PLCL1: variants seen among roughly 807,000 people sequenced by gnomAD.
PLCL1 encodes inactive phospholipase C-like protein 1.
Under a neutral mutation model 84.4 loss-of-function variants are expected in PLCL1, and 41 were observed. The ratio of observed to expected loss-of-function variants is 0.49; its 90% CI spans 0.38 to 0.63. PLCL1 has a LOEUF of 0.63. PLCL1 is among the 30% of genes least tolerant of loss of function. PLCL1 has a pLI of 0.00. For missense variants in PLCL1, 1,206 were observed against 1,367.8 expected, an observed-to-expected ratio of 0.88 and a Z score of 1.87; for synonymous variants, 490 against 488.3, an observed-to-expected ratio of 1.00 and a Z score of -0.05.
intron 1 of PLCL1, among the ~76,000 whole-genome samples, chr2:197,878,528 A>G (rs1381831693): frequency 2.6e-5 from 4 of 152,178 alleles, no homozygotes. Flanking sequence ...TGCATTTTAA[A>G]TGGATTTCCA....
intron 1 of PLCL1, among the ~76,000 whole-genome samples, chr2:197,887,359 A>G (rs1687941576): frequency 6.6e-6 from 1 of 152,222 alleles, no homozygotes; most frequent in Non-Finnish European, 1.5e-5. Context: ...TGATGCTCTT[A>G]GGAACATCTT....
At chr2:197,951,623 C>CA (rs1324846175) in intron 1 of PLCL1, among the ~76,000 whole-genome samples, 2 of 152,144 alleles carry the variant, frequency 1.3e-5, no homozygotes, top group Non-Finnish European at 2.9e-5. Flanking sequence ...CCCTTAATAA[C>CA]ACAGGCTATT....
chr2:198,071,754 C>T (rs991307728), intron 1 of PLCL1, among the ~76,000 whole-genome samples: 25 of 151,908 alleles, frequency 1.6e-4, no homozygotes, highest in African/African-American at 5.5e-4. Flanking sequence ...ATCTATCAAT[C>T]TTTTCCTCTA....
At chr2:198,127,214 A>T (rs1694009240) in intron 5 of PLCL1, among the ~76,000 whole-genome samples, 1 of 152,134 alleles carries the variant, frequency 6.6e-6, no homozygotes, top group African/African-American at 2.4e-5. Flanking sequence ...ATAATCATAA[A>T]TGCATAATGA....
At chr2:198,014,128 A>G (rs942667824) in intron 1 of PLCL1, among the ~76,000 whole-genome samples, 1 of 152,146 alleles carries the variant, frequency 6.6e-6, no homozygotes, top group Non-Finnish European at 1.5e-5. Flanking sequence ...GTAGCCTTTT[A>G]TTTCATAGAA....
At chr2:197,895,180 A>G (rs937621494) in intron 1 of PLCL1, among the ~76,000 whole-genome samples, 1 of 151,884 alleles carries the variant, frequency 6.6e-6, no homozygotes, top group Non-Finnish European at 1.5e-5. Flanking sequence ...GAGAGAGCAT[A>G]CTCTCTACCA....
chr2:197,823,350 G>GTC (rs76302813), intron 1 of PLCL1, among the ~76,000 whole-genome samples: 2,256 of 152,054 alleles, frequency 0.015, 64 homozygotes, highest in African/African-American at 0.052. Context: ...AATACTGATT[G>GTC]TCTCTCTCTA....
intron 1 of PLCL1, among the ~76,000 whole-genome samples, chr2:197,945,739 T>C (rs1689258944): frequency 6.6e-6 from 1 of 152,194 alleles, no homozygotes. Context: ...GTTAATATGT[T>C]TAAAGCTCTT....
Position 198,085,328 on chromosome 2 carries a change from T to C in PLCL1, c.1811T>C (p.Met604Thr). 1 of 1,613,690 alleles carries C rather than the reference T, an allele frequency of 6.2e-7. No individual in the cohort carries two copies. The highest frequency in any genetic ancestry group is 2.2e-5 in the East Asian group (1 of 44,862). ...SVQYRDFELS[M>T]KSQNYWEMCS... ...CAATACAGGGATTTTGAACTATCTATGAAAAGCCAAAACTATTGGGAAATG... is the reference window on the plus strand; with the variant it reads ...CAATACAGGGATTTTGAACTATCTACGAAAAGCCAAAACTATTGGGAAATG... Residue 604 changes from methionine to threonine, a missense_variant, in exon 2 of 6, where the codon ATG becomes ACG. Transcript: ENST00000428675. This position sits in a 1 kb window ranked among gnomAD's most constrained non-coding sequence, Gnocchi z 5.3.
chr2:198,082,157 T>A (rs1312307220), intron 1 of PLCL1, among the ~76,000 whole-genome samples: 1 of 152,186 alleles, frequency 6.6e-6, no homozygotes, highest in Non-Finnish European at 1.5e-5. Context: ...TAAAGAACAG[T>A]CACGCACATT....
rs535658040 is a variant in PLCL1, at chr2:198,095,398, T to G, written c.2920-5887T>G. On this transcript the variant is annotated intron_variant, in intron 3 of 5. Transcript: ENST00000428675. ...TTTTGCAAATAAAAGTAATATGACTTTTTTTCATTTAGGATTCATCTTAAA... is the reference window on the plus strand; with the variant it reads ...TTTTGCAAATAAAAGTAATATGACTGTTTTTCATTTAGGATTCATCTTAAA... 4.9e-3 allele frequency among the ~76,000 whole-genome samples: 743 copies of G among 152,344 alleles called. 1 individual carries two copies. The highest frequency in any genetic ancestry group is 8.3e-3 in the Non-Finnish European group (565 of 68,022).
chr2:197,820,305 G>A (rs1429741106), intron 1 of PLCL1, among the ~76,000 whole-genome samples: 1 of 152,116 alleles, frequency 6.6e-6, no homozygotes, highest in African/African-American at 2.4e-5. Context: ...TACAAACTTA[G>A]TGGCTTAAAA....
chr2:197,993,552 G>A (rs529898534), intron 1 of PLCL1, among the ~76,000 whole-genome samples: 50 of 152,070 alleles, frequency 3.3e-4, no homozygotes, highest in Non-Finnish European at 6.0e-4. Flanking sequence ...GGATGTTGAA[G>A]TGCCTTGTGT....
At chr2:198,144,163 C>T (rs1694459595) in intron 5 of PLCL1, among the ~76,000 whole-genome samples, 1 of 152,132 alleles carries the variant, frequency 6.6e-6, no homozygotes, top group Non-Finnish European at 1.5e-5. Context: ...GAATTTTATG[C>T]GTTAGTAGGA....
At chr2:197,953,679 A>G (rs1408992994) in intron 1 of PLCL1, among the ~76,000 whole-genome samples, 1 of 152,096 alleles carries the variant, frequency 6.6e-6, no homozygotes. Context: ...TTAATATATC[A>G]GTAATGAACA....
Position 197,848,063 on chromosome 2 carries a change from A to G in PLCL1, c.240+42724A>G, listed in dbSNP as rs1451291115. 4.6e-5 allele frequency among the ~76,000 whole-genome samples: 7 copies of G among 152,236 alleles called. No individual in the cohort carries two copies. In the East Asian group the frequency reaches 1.3e-3, roughly 29 times the overall value. On this transcript the variant is annotated intron_variant, in intron 1 of 5. Coordinates refer to ENST00000428675, the MANE Select transcript of PLCL1 (RefSeq NM_006226.4). ...GATAAAACTATTTAGAACCCATACT[A>G]TAGAATGAAGTAGATGAATTCTGAT...
chr2:197,952,008 G>A lies in PLCL1; in HGVS notation c.241-131750G>A, dbSNP rs138819010. On this transcript the variant is annotated intron_variant, in intron 1 of 5. Coordinates refer to ENST00000428675, the MANE Select transcript of PLCL1 (RefSeq NM_006226.4). The stretch of plus-strand genomic sequence containing the variant: ...CATTCTGTCTTTGTAATAAGCATTC[G>A]TGATTAATTTACCAGGACTGATAGG... Among the ~76,000 whole-genome samples the A allele has an allele frequency of 3.6e-3, 545 of 152,248 alleles. 4 individuals carry two copies. The highest frequency in any genetic ancestry group is 0.012 in the African/African-American group (496 of 41,566).
In PLCL1 at chr2:197,984,669, A is replaced by G. The variant is rs898956631; in HGVS notation, c.241-99089A>G. Among the ~76,000 whole-genome samples, 4 of 152,232 alleles carry G rather than the reference A, an allele frequency of 2.6e-5. No individual in the cohort carries two copies. In the South Asian group the frequency reaches 6.2e-4, roughly 24 times the overall value. ...TTTGTATTTCAAATTTAAGTGCAAG[A>G]AAAAGCTAATGTTTCTACTGATGTT... On this transcript the variant is annotated intron_variant, in intron 1 of 5. Coordinates refer to ENST00000428675, the MANE Select transcript of PLCL1 (RefSeq NM_006226.4).
chr2:197,880,359 A>T (rs1376746294), intron 1 of PLCL1, among the ~76,000 whole-genome samples: 1 of 152,120 alleles, frequency 6.6e-6, no homozygotes, highest in Non-Finnish European at 1.5e-5. Flanking sequence ...AATATGTTTG[A>T]ATGTTCTGAG....
Sources: allele counts gnomAD v4.1 joint callset (sites outside exome capture counted in the v4.1 genomes callset), GRCh38; gene constraint gnomAD v4.1.1; non-coding constraint Gnocchi (gnomAD v3.1); transcripts MANE v1.5; gene names NCBI Gene and HGNC (gene_info 2026-07-23, HGNC 2026-07-21).